Variants in FRAS1 observed in about 807,000 individuals in gnomAD.
FRAS1 encodes Fraser extracellular matrix complex subunit 1, also known as extracellular matrix organizing protein FRAS1.
A neutral mutation model predicts 435.2 loss-of-function variants in FRAS1; 290 were observed. That is an observed-to-expected ratio of 0.67 (90% CI 0.61 to 0.73). The LOEUF (loss-of-function observed/expected upper bound fraction) is 0.73. Ranked by LOEUF, FRAS1 falls within the 30% of genes least tolerant of loss-of-function variation. The pLI is 0.00. For missense variants in FRAS1, 4,860 were observed against 5,001.5 expected (o/e 0.97, Z 0.85); for synonymous variants, 1,800 against 1,851.0 (o/e 0.97, Z 0.71).
chr4:78,485,081 C>G (rs1308706534), intron 58 of FRAS1, among the ~76,000 whole-genome samples: 2 of 152,168 alleles, frequency 1.3e-5, no homozygotes, highest in African/African-American at 4.8e-5. Context: ...AAATATAATC[C>G]TAGCCCCACC....
chr4:78,165,957 G>A (rs1490243126), intron 2 of FRAS1, among the ~76,000 whole-genome samples: 1 of 152,110 alleles, frequency 6.6e-6, no homozygotes, highest in Admixed American at 6.6e-5. Flanking sequence ...TTCGAAAGAT[G>A]GGGAAATAGA....
intron 2 of FRAS1, among the ~76,000 whole-genome samples, chr4:78,121,367 A>C (rs1719012756): frequency 6.6e-6 from 1 of 152,238 alleles, no homozygotes; most frequent in Non-Finnish European, 1.5e-5. Context: ...AGCCCCCCAC[A>C]TACTGAGAGT....
At chr4:78,320,144 C>T (rs1331027558) in intron 18 of FRAS1, among the ~76,000 whole-genome samples, 1 of 152,228 alleles carries the variant, frequency 6.6e-6, no homozygotes, top group African/African-American at 2.4e-5. Context: ...AGAGGATTTT[C>T]ATGGTGCCCA....
Position 78,475,626 on chromosome 4 carries a change from T to TG in FRAS1, c.7851+25dup. On this transcript the variant is annotated intron_variant, in intron 54 of 73. Coordinates refer to ENST00000512123, the MANE Select transcript of FRAS1 (RefSeq NM_025074.7). ...GGCCAGGTAGGTGGGGTAGTGGGGT[T>TG]GGGGGAGGCTCCAGCAAGGGCTGTG... The TG allele has an allele frequency of 1.3e-6, 2 of 1,520,752 alleles. No individual in the cohort carries two copies. The highest frequency in any genetic ancestry group is 1.4e-5 in the South Asian group (1 of 74,054). The allele number at this position is 1,520,752 out of a possible 1,614,324, so 94.2% of individuals were successfully genotyped here. A position where few individuals can be genotyped will look rare whatever the true frequency, so the allele number is the denominator to read the frequency against.
intron 10 of FRAS1, among the ~76,000 whole-genome samples, chr4:78,280,909 T>G (rs1337884804): frequency 6.6e-6 from 1 of 152,232 alleles, no homozygotes; most frequent in East Asian, 1.9e-4. Context: ...GATCACACTT[T>G]AGTCATCCTC....
At chr4:78,511,548 A>G (rs2109884785) in intron 64 of FRAS1, 42 bp downstream of exon 64, 1 of 1,392,146 alleles carries the variant, frequency 7.2e-7, no homozygotes, top group South Asian at 1.2e-5. Flanking sequence ...GATTGAAGTG[A>G]ATCTCAGGTC....
intron 54 of FRAS1, among the ~76,000 whole-genome samples, chr4:78,476,114 A>G (rs1029716669): frequency 2.0e-5 from 3 of 152,216 alleles, no homozygotes; most frequent in African/African-American, 7.2e-5. Flanking sequence ...CAGTGGGGCC[A>G]TTTGAAAGAT....
At position 78,421,966 on chromosome 4, in the gene FRAS1, C is replaced by G. The variant is rs374026513; in HGVS notation, c.4644C>G (p.Pro1548=). ...TGTACCGCCCTCCCCCGGCAGCACCCCACCTCCAGGAGCTCATGGCCTTCT... is the reference window on the plus strand; with the variant it reads ...TGTACCGCCCTCCCCCGGCAGCACCGCACCTCCAGGAGCTCATGGCCTTCT... ...KVMYRPPPAA[P]HLQELMAFSF... The change falls in exon 34 of 74, where the codon CCC becomes CCG. Residue 1548 remains proline, a synonymous_variant. Transcript: ENST00000512123. 3 of 1,613,350 alleles carry G rather than the reference C, an allele frequency of 1.9e-6. No individual in the cohort carries two copies. Among genetic ancestry groups the G allele is most frequent in the Middle Eastern group, 1.6e-4 (1 of 6,078 alleles).
At chr4:78,489,755 C>G (rs914420507) in intron 59 of FRAS1, among the ~76,000 whole-genome samples, 1 of 152,040 alleles carries the variant, frequency 6.6e-6, no homozygotes, top group Non-Finnish European at 1.5e-5. Flanking sequence ...TAATCTCAAA[C>G]TATGTTAGAG....
chr4:78,313,007 G>A (rs904276657), intron 15 of FRAS1, among the ~76,000 whole-genome samples: 1 of 152,114 alleles, frequency 6.6e-6, no homozygotes, highest in African/African-American at 2.4e-5. Context: ...ATTTCCCTCT[G>A]GGTGTAACTT....
intron 28 of FRAS1, among the ~76,000 whole-genome samples, chr4:78,385,356 A>G (rs143736000): frequency 1.5e-4 from 23 of 152,340 alleles, no homozygotes; most frequent in African/African-American, 4.8e-4. Flanking sequence ...AAGGAAGGAC[A>G]CTAGATGATT....
At chr4:78,535,591 G>A (rs927158009) in intron 71 of FRAS1, among the ~76,000 whole-genome samples, 6 of 151,948 alleles carry the variant, frequency 3.9e-5, no homozygotes, top group African/African-American at 1.2e-4. Flanking sequence ...TACATCCTAC[G>A]TCCCATCTAT....
chr4:78,164,239 T>C (rs148289106), intron 2 of FRAS1, among the ~76,000 whole-genome samples: 252 of 152,142 alleles, frequency 1.7e-3, no homozygotes, highest in African/African-American at 5.7e-3. Flanking sequence ...GGAGTTTCCA[T>C]TGGAAAGGGA....
intron 2 of FRAS1, among the ~76,000 whole-genome samples, chr4:78,218,368 C>T (rs1168713716): frequency 6.6e-6 from 1 of 151,900 alleles, no homozygotes; most frequent in Non-Finnish European, 1.5e-5. Context: ...AATATGCTCA[C>T]ATGTGCTGTG....
chr4:78,479,610 A>G lies in FRAS1; in HGVS notation c.8335A>G (p.Asn2779Asp), dbSNP rs566063559. 6.2e-7 allele frequency: 1 copy of G among 1,613,956 alleles called. No individual in the cohort carries two copies. ...FEIALADASD[N>D]ARIGRVATAK... ...GATTGCCTTGGCAGATGCCTCTGAC[A>G]ATGCCCGCATTGGAAGGGTGGCGAC... Residue 2779 changes from asparagine (N) to aspartate (D), a missense_variant, in exon 56 of 74, where the codon AAT becomes GAT. Asn to Asp is a conservative substitution (Grantham distance 23). Transcript: ENST00000512123.
At position 78,337,740 on chromosome 4, in the gene FRAS1, A is replaced by T. The variant is rs200056545; in HGVS notation, c.2345A>T (p.His782Leu). ...LESDCISCYP[H>L]ISLTNGNCRT... ...TCTGACTGCATCTCCTGTTACCCTCACATCTCTCTTACCAATGGTAACTGC... is the reference window on the plus strand; with the variant it reads ...TCTGACTGCATCTCCTGTTACCCTCTCATCTCTCTTACCAATGGTAACTGC... Residue 782 changes from histidine to leucine, a missense_variant, in exon 20 of 74, where the codon CAC (histidine) becomes CTC (leucine). By Grantham distance (99) the His-to-Leu change is moderately conservative (BLOSUM62 -3). Transcript: ENST00000512123. The T allele has an allele frequency of 1.7e-4, 276 of 1,613,852 alleles. No homozygotes were observed. The highest frequency in any genetic ancestry group is 1.2e-3 in the African/African-American group (92 of 75,014).
intron 46 of FRAS1, 83 bp from the exon 47 acceptor site, chr4:78,452,092 C>G (rs377238491): frequency 4.8e-6 from 7 of 1,456,264 alleles, no homozygotes; most frequent in East Asian, 4.5e-5. Flanking sequence ...TGACTCTGAC[C>G]TTACTTCTTG....
At chr4:78,443,737 T>C (rs1718670167) in intron 41 of FRAS1, among the ~76,000 whole-genome samples, 1 of 152,254 alleles carries the variant, frequency 6.6e-6, no homozygotes, top group Non-Finnish European at 1.5e-5. Context: ...TGTAAAGGAT[T>C]GGAGCTTAAA....
intron 13 of FRAS1, 120 bp from the exon 14 acceptor site, chr4:78,286,285 G>A (rs772494984): frequency 2.7e-6 from 3 of 1,111,300 alleles, no homozygotes; most frequent in East Asian, 4.7e-5. Flanking sequence ...TTATTTTTCT[G>A]CATTTTCTGT....
Sources: gnomAD v4.1 joint callset for allele counts (sites outside exome capture counted in the v4.1 genomes callset) on GRCh38, gnomAD v4.1.1 for gene constraint, MANE v1.5 for transcripts, NCBI Gene and HGNC (gene_info 2026-07-23, HGNC 2026-07-21) for gene names.